The following RPAP2 variants were observed in gnomAD, a reference collection of about 807,000 sequenced individuals.
RPAP2 encodes the protein putative RNA polymerase II subunit B1 CTD phosphatase RPAP2.
RPAP2 carries 52 observed loss-of-function variants against 73.1 expected under a neutral mutation model. The ratio of observed to expected loss-of-function variants is 0.71; its 90% CI spans 0.57 to 0.90. RPAP2 has a LOEUF of 0.90. Ranked by LOEUF, RPAP2 falls within the 40% of genes least tolerant of loss-of-function variation. RPAP2 has a pLI of 0.00. For missense variants in RPAP2, 598 were observed against 701.8 expected, an observed-to-expected ratio of 0.85 and a Z score of 1.67; for synonymous variants, 225 against 242.1, an observed-to-expected ratio of 0.93 and a Z score of 0.65.
At chr1:92,311,141 C>T (rs1008593130) in intron 6 of RPAP2, among the ~76,000 whole-genome samples, 13 of 152,126 alleles carry the variant, frequency 8.5e-5, no homozygotes, top group Admixed American at 2.0e-4. Flanking sequence ...GTTTGAAGAG[C>T]GCTGTTTTGT....
In RPAP2 at chr1:92,399,184, C is replaced by T. The variant is rs1223893255; in HGVS notation, c.*12173C>T. The T allele has an allele frequency of 2.6e-5, 4 of 152,206 alleles. No individual in the cohort carries two copies. Among genetic ancestry groups the T allele is most frequent in the Non-Finnish European group, 5.9e-5 (4 of 68,040 alleles). The allele number at this position is 152,206 out of a possible 1,614,324, so 9.4% of individuals were successfully genotyped here. On this transcript the variant is annotated 3_prime_UTR_variant, in exon 13 of 13. Coordinates refer to ENST00000610020, the MANE Select transcript of RPAP2 (RefSeq NM_024813.3). ...ATAGTTTTCATTTTGCTTCCCAGCACCTCTGCAGTCATAACCAAAGTGAAG... is the reference window on the plus strand; with the variant it reads ...ATAGTTTTCATTTTGCTTCCCAGCATCTCTGCAGTCATAACCAAAGTGAAG...
Position 92,396,189 on chromosome 1 carries a change from C to G in RPAP2, c.*9178C>G, listed in dbSNP as rs1320375074. 1 of 151,414 alleles carries G rather than the reference C, an allele frequency of 6.6e-6. No homozygotes were observed. Among genetic ancestry groups the G allele is most frequent in the Non-Finnish European group, 1.5e-5 (1 of 67,888 alleles). 9.4% of individuals were successfully genotyped at this position (151,414 alleles called of 1,614,324 possible). A position where few individuals can be genotyped will look rare whatever the true frequency, so the allele number is the denominator to read the frequency against. On this transcript the variant is annotated 3_prime_UTR_variant, in exon 13 of 13. Transcript: ENST00000610020. ...CAAAAAGTGGAAACCAAATGACCAT[C>G]AACTACTGGATTTTTTTTTTTTTTT... is the stretch of plus-strand genomic sequence containing the variant.
chr1:92,382,452 G>T (rs1655685125), intron 12 of RPAP2, among the ~76,000 whole-genome samples: 1 of 152,038 alleles, frequency 6.6e-6, no homozygotes, highest in African/African-American at 2.4e-5. Context: ...ACTTTTTAAT[G>T]ATCGCCATTC....
At chr1:92,333,568 C>A in intron 9 of RPAP2, 95 bp downstream of exon 9, 1 of 835,676 alleles carries the variant, frequency 1.2e-6, no homozygotes, top group Non-Finnish European at 1.9e-6. Context: ...AGATTTTGAA[C>A]ATTTTGAAAA....
rs896253479 is a variant in RPAP2 at position 92,396,632 on chromosome 1, T to TTGTGTGTG, written c.*9622_*9623insGTGTGTGT. The TTGTGTGTG allele has an allele frequency of 1.1e-5, 1 of 90,520 alleles. No homozygotes were observed. Among genetic ancestry groups the TTGTGTGTG allele is most frequent in the Non-Finnish European group, 2.4e-5 (1 of 41,770 alleles). The allele number at this position is 90,520 out of a possible 1,614,324, so 5.6% of individuals were successfully genotyped here. ...CTAAGTTGTAATTTTTGCACAACTTTTATGTGTGTGTGTGTGTGTGTGTGT... is the reference window on the plus strand; with the variant it reads ...CTAAGTTGTAATTTTTGCACAACTTTTGTGTGTGTATGTGTGTGTGTGTGTGTGTGTGT... On this transcript the variant is annotated 3_prime_UTR_variant, in exon 13 of 13. Transcript: ENST00000610020.
chr1:92,342,160 G>A (rs1653628238), intron 10 of RPAP2, among the ~76,000 whole-genome samples: 1 of 152,174 alleles, frequency 6.6e-6, no homozygotes, highest in Admixed American at 6.5e-5. Flanking sequence ...ATAGTACTAA[G>A]GAGGGAGAAA....
intron 9 of RPAP2, among the ~76,000 whole-genome samples, chr1:92,333,763 A>T (rs1034262353): frequency 6.6e-6 from 1 of 152,192 alleles, no homozygotes; most frequent in African/African-American, 2.4e-5. Context: ...TCAGGGAAAA[A>T]ATATCAAAGC....
rs1652454314 is a variant in RPAP2 at position 92,323,747 on chromosome 1, A to T, written c.827A>T (p.Asp276Val). ...GTAGATGTCACTGAGCAGTTAGGCGATTGCAAATTAGATAGTCAGGAGAAA... is the reference window on the plus strand; with the variant it reads ...GTAGATGTCACTGAGCAGTTAGGCGTTTGCAAATTAGATAGTCAGGAGAAA... ...TVVDVTEQLG[D>V]CKLDSQEKDA... The change falls in exon 8 of 13, where the codon GAT becomes GTT. Residue 276 changes from aspartate (D) to valine (V), a missense_variant. Physicochemically the swap from Asp to Val is radical, Grantham distance 152. Transcript: ENST00000610020. 2.5e-6 allele frequency: 4 copies of T among 1,614,140 alleles called. No homozygotes were observed. The highest frequency in any genetic ancestry group is 3.4e-6 in the Non-Finnish European group (4 of 1,179,998).
At chr1:92,319,823 A>T (rs1426766640) in intron 6 of RPAP2, among the ~76,000 whole-genome samples, 2 of 152,114 alleles carry the variant, frequency 1.3e-5, no homozygotes, top group African/African-American at 4.8e-5. Context: ...ACATGGAGAA[A>T]CCCCATCTCT....
rs761692603 is a variant in RPAP2, at chr1:92,323,560, G to A, written c.640G>A (p.Asp214Asn). The A allele has an allele frequency of 7.4e-6, 12 of 1,613,668 alleles. No homozygotes were observed. In the Admixed American group the frequency reaches 1.3e-4, roughly 18 times the overall value. ...YESSSSSTHS[D>N]SSSDNEQDFV... The stretch of plus-strand genomic sequence containing the variant: ...ATCTAGTTCTTCTAGCACTCACAGT[G>A]ATAGTAGCAGTGACAATGAGCAAGA... Residue 214 changes from aspartate (D) to asparagine (N), a missense_variant, in exon 8 of 13, where the codon GAT becomes AAT. This residue lies in a region of RPAP2 where 506 missense variants were observed against 612.8 expected (regional missense o/e 0.83). Coordinates refer to ENST00000610020, the MANE Select transcript of RPAP2 (RefSeq NM_024813.3).
intron 8 of RPAP2, among the ~76,000 whole-genome samples, chr1:92,330,774 A>C (rs1320370023): frequency 1.3e-5 from 2 of 151,950 alleles, no homozygotes; most frequent in Non-Finnish European, 2.9e-5. Context: ...ATTTTTAAAA[A>C]CTTTTTGTTA....
chr1:92,302,810 C>T (rs559275156), intron 3 of RPAP2, among the ~76,000 whole-genome samples: 1 of 151,890 alleles, frequency 6.6e-6, no homozygotes, highest in South Asian at 2.1e-4. Flanking sequence ...CTGTGTTAGC[C>T]AGGATGGTCT....
intron 11 of RPAP2, among the ~76,000 whole-genome samples, chr1:92,354,188 T>G (rs543778817): frequency 6.6e-5 from 10 of 152,286 alleles, no homozygotes; most frequent in Admixed American, 5.9e-4. Flanking sequence ...ACATCCTGAT[T>G]GAGCTCCCTG....
chr1:92,380,951 A>T lies in RPAP2; in HGVS notation c.1838+78A>T, dbSNP rs548602701. 1.6e-5 allele frequency: 21 copies of T among 1,306,698 alleles called. No homozygotes were observed. The East Asian group carries it at 5.4e-4, about 34-fold the overall frequency. The allele number at this position is 1,306,698 out of a possible 1,614,324, so 80.9% of individuals were successfully genotyped here. A position where few individuals can be genotyped will look rare whatever the true frequency, so the allele number is the denominator to read the frequency against. On this transcript the variant is annotated intron_variant, in intron 12 of 12. Transcript: ENST00000610020. The stretch of plus-strand genomic sequence containing the variant: ...TGGATTCTTTTTTTTTTTAATTGGA[A>T]ATTGTAAAAACCAAGTACAGACCTC...
intron 10 of RPAP2, among the ~76,000 whole-genome samples, chr1:92,343,533 A>C (rs1350845486): frequency 6.6e-6 from 1 of 152,216 alleles, no homozygotes; most frequent in African/African-American, 2.4e-5. Flanking sequence ...TAATGTAACA[A>C]AATATATCCT....
At chr1:92,303,612 AT>A (rs1448814505) in intron 3 of RPAP2, among the ~76,000 whole-genome samples, 1 of 152,086 alleles carries the variant, frequency 6.6e-6, no homozygotes. Context: ...GATTTAGTTA[AT>A]TTTTTAAATA....
intron 11 of RPAP2, among the ~76,000 whole-genome samples, chr1:92,375,634 C>T (rs575810358): frequency 1.1e-3 from 170 of 152,274 alleles, no homozygotes; most frequent in African/African-American, 4.0e-3. Flanking sequence ...AGTTGAAGAT[C>T]AGTCTGGCCA....
At chr1:92,301,190 A>G (rs955697140) in intron 2 of RPAP2, among the ~76,000 whole-genome samples, 42 of 152,296 alleles carry the variant, frequency 2.8e-4, no homozygotes, top group African/African-American at 9.4e-4. Flanking sequence ...CAGCATTAGA[A>G]AACAGAAATT....
chr1:92,312,457 C>A (rs115955131), intron 6 of RPAP2, among the ~76,000 whole-genome samples: 1 of 151,966 alleles, frequency 6.6e-6, no homozygotes, highest in African/African-American at 2.4e-5. Flanking sequence ...TCTCAAACTT[C>A]ATTGCTGCTT....
Sources: gnomAD v4.1 joint callset for allele counts (sites outside exome capture counted in the v4.1 genomes callset) on GRCh38, gnomAD v4.1.1 for gene constraint, gnomAD v4.1.1 regional missense constraint, MANE v1.5 for transcripts, NCBI Gene and HGNC (gene_info 2026-07-23, HGNC 2026-07-21) for gene names.